Variants in CADM1 observed in about 807,000 individuals in gnomAD.
CADM1 encodes cell adhesion molecule 1.
A neutral mutation model predicts 53.1 loss-of-function variants in CADM1; 15 were observed. That is an observed-to-expected ratio of 0.28 (90% CI 0.19 to 0.44). The LOEUF (loss-of-function observed/expected upper bound fraction) is 0.44, where lower values mean the gene tolerates loss of function less well. Ranked by LOEUF, CADM1 falls within the 20% of genes least tolerant of loss-of-function variation. The probability of loss-of-function intolerance (pLI) is 1.00; values close to 1 mark genes in which losing one functional copy is unlikely to be tolerated. For missense variants in CADM1, 434 were observed against 611.3 expected (o/e 0.71, Z 3.06); for synonymous variants, 281 against 243.0 (o/e 1.16, Z -1.45).
At chr11:115,451,137 T>A (rs189002497) in intron 1 of CADM1, among the ~76,000 whole-genome samples, 1 of 152,330 alleles carries the variant, frequency 6.6e-6, no homozygotes, top group East Asian at 1.9e-4. Context: ...CTAGAGCAAT[T>A]TCCTTCTCCC....
Position 115,397,588 on chromosome 11 carries a change from C to T in CADM1, c.124+106683G>A, listed in dbSNP as rs1947033161. ...TGATATGTAACCCAAGGCAGGTCTT[C>T]TTTCTTTGAGTTTCAGTCTCATCAT... On this transcript the variant is annotated intron_variant, in intron 1 of 11. Transcript: ENST00000331581. 5 of 152,302 alleles carry T rather than the reference C, an allele frequency of 3.3e-5. No individual in the cohort carries two copies. The South Asian group carries it at 1.0e-3, about 32-fold the overall frequency. 9.4% of individuals were successfully genotyped at this position (152,302 alleles called of 1,614,324 possible).
intron 1 of CADM1, among the ~76,000 whole-genome samples, chr11:115,320,074 A>G (rs1944781163): frequency 6.6e-6 from 1 of 151,954 alleles, no homozygotes; most frequent in African/African-American, 2.4e-5. Context: ...TCATTCATGT[A>G]TTTTTTAGAG....
intron 1 of CADM1, among the ~76,000 whole-genome samples, chr11:115,457,537 G>GA (rs1051208468): frequency 2.6e-5 from 4 of 152,122 alleles, no homozygotes; most frequent in Non-Finnish European, 4.4e-5. Flanking sequence ...GGGTAGGAGA[G>GA]AAAACCCAGA....
chr11:115,388,450 A>G (rs1369199197), intron 1 of CADM1, among the ~76,000 whole-genome samples: 1 of 152,160 alleles, frequency 6.6e-6, no homozygotes, highest in Non-Finnish European at 1.5e-5. Flanking sequence ...ATGCTCTTAA[A>G]GTGCCTTCCC....
chr11:115,242,753 T>G (rs954624798), intron 1 of CADM1, among the ~76,000 whole-genome samples: 3 of 152,190 alleles, frequency 2.0e-5, no homozygotes, highest in Admixed American at 2.0e-4. Flanking sequence ...AAGGTACATG[T>G]GGAAAGGCCT....
At chr11:115,497,759 C>A (rs1184771452) in intron 1 of CADM1, among the ~76,000 whole-genome samples, 5 of 152,148 alleles carry the variant, frequency 3.3e-5, no homozygotes, top group South Asian at 2.1e-4. Flanking sequence ...TGGTGCTCCC[C>A]AAATCGTGAA....
At position 115,499,701 on chromosome 11, in the gene CADM1, A is replaced by G. The variant is rs537136391; in HGVS notation, c.124+4570T>C. On this transcript the variant is annotated intron_variant, in intron 1 of 11. Coordinates refer to ENST00000331581, the MANE Select transcript of CADM1 (RefSeq NM_001301043.2). ...AGCCTTAGTTCAACTGCAGAGTAAG[A>G]TTCTTCCCTCCCTGGCCTTCGGCTA... 2.6e-4 allele frequency among the ~76,000 whole-genome samples: 40 copies of G among 152,346 alleles called. No individual in the cohort carries two copies. In the South Asian group the frequency reaches 7.7e-3, roughly 29 times the overall value.
At chr11:115,210,360 G>T (rs1356649278) in intron 7 of CADM1, among the ~76,000 whole-genome samples, 1 of 152,140 alleles carries the variant, frequency 6.6e-6, no homozygotes, top group African/African-American at 2.4e-5. Context: ...AAAACTGAAA[G>T]AACGTTTTCC....
At chr11:115,475,512 CA>C (rs1405400863) in intron 1 of CADM1, among the ~76,000 whole-genome samples, 2 of 152,182 alleles carry the variant, frequency 1.3e-5, no homozygotes, top group East Asian at 3.9e-4. Flanking sequence ...AAACTGTCAA[CA>C]GCCTAAATGT....
intron 1 of CADM1, among the ~76,000 whole-genome samples, chr11:115,359,974 T>C (rs1404542440): frequency 6.6e-6 from 1 of 152,200 alleles, no homozygotes; most frequent in Non-Finnish European, 1.5e-5. Flanking sequence ...GTTGAGAGCC[T>C]TGAATAAAAA....
intron 1 of CADM1, among the ~76,000 whole-genome samples, chr11:115,280,128 A>G (rs116898697): frequency 6.6e-6 from 1 of 152,322 alleles, no homozygotes; most frequent in Non-Finnish European, 1.5e-5. Context: ...TCTACAGACT[A>G]TCTTATTTCT....
intron 1 of CADM1, among the ~76,000 whole-genome samples, chr11:115,307,643 T>A (rs1246820194): frequency 1.3e-5 from 2 of 151,836 alleles, no homozygotes; most frequent in Non-Finnish European, 2.9e-5. Context: ...GTTCTTCTTG[T>A]CCTGCTGTTG....
intron 5 of CADM1, among the ~76,000 whole-genome samples, chr11:115,222,285 A>G (rs1941435807): frequency 6.6e-6 from 1 of 152,144 alleles, no homozygotes; most frequent in African/African-American, 2.4e-5. Context: ...ACGACAATGC[A>G]AAGATTAACC....
rs1938989381 is a variant in CADM1, at chr11:115,175,549, T to C, written c.*925A>G. The C allele has an allele frequency of 1.5e-5, 15 of 985,364 alleles. No individual in the cohort carries two copies. Among genetic ancestry groups the C allele is most frequent in the Non-Finnish European group, 1.8e-5 (15 of 829,986 alleles). The allele number at this position is 985,364 out of a possible 1,614,324, so 61.0% of individuals were successfully genotyped here. ...TCCCCCCTCCCTACTTCCCCTCCTG[T>C]GGCAACTCAAAATTTGTCCACTTAT... On this transcript the variant is annotated 3_prime_UTR_variant, in exon 12 of 12. Coordinates refer to ENST00000331581, the MANE Select transcript of CADM1 (RefSeq NM_001301043.2).
chr11:115,267,162 CAAG>C (rs1943164708), intron 1 of CADM1, among the ~76,000 whole-genome samples: 1 of 152,204 alleles, frequency 6.6e-6, no homozygotes, highest in African/African-American at 2.4e-5. Flanking sequence ...TGTACCCAAA[CAAG>C]AAAGTTCAAA....
intron 1 of CADM1, among the ~76,000 whole-genome samples, chr11:115,372,775 A>G (rs1356345925): frequency 6.6e-6 from 1 of 152,228 alleles, no homozygotes; most frequent in Non-Finnish European, 1.5e-5. Flanking sequence ...TGATAAAATG[A>G]CCAGCCAGAG....
rs1938894765 is a variant in CADM1 at position 115,173,938 on chromosome 11, A to C, written c.*2536T>G. On this transcript the variant is annotated 3_prime_UTR_variant, in exon 12 of 12. Coordinates refer to ENST00000331581, the MANE Select transcript of CADM1 (RefSeq NM_001301043.2). Reference sequence around the variant, plus strand: ...GTTTGTTCTTTCTTCACTCTAAAAAAAGTGATCAACCTGTACAAAGTAATA... The same window carrying C: ...GTTTGTTCTTTCTTCACTCTAAAAACAGTGATCAACCTGTACAAAGTAATA... The C allele has an allele frequency of 4.1e-6, 4 of 968,372 alleles. No homozygotes were observed. The highest frequency in any genetic ancestry group is 4.9e-6 in the Non-Finnish European group (4 of 814,428). 60.0% of individuals were successfully genotyped at this position (968,372 alleles called of 1,614,324 possible). A position where few individuals can be genotyped will look rare whatever the true frequency, so the allele number is the denominator to read the frequency against.
At chr11:115,502,270 C>A (rs1170042183) in intron 1 of CADM1, among the ~76,000 whole-genome samples, 1 of 150,980 alleles carries the variant, frequency 6.6e-6, no homozygotes, top group East Asian at 2.0e-4. Context: ...CATTGCACGA[C>A]TCCCATTTTT....
At chr11:115,253,179 G>T (rs1338152380) in intron 1 of CADM1, among the ~76,000 whole-genome samples, 2 of 152,222 alleles carry the variant, frequency 1.3e-5, no homozygotes, top group Non-Finnish European at 2.9e-5. Context: ...GTCCTGGGCT[G>T]TATATGGTCT....
Sources: gnomAD v4.1 joint callset for allele counts (sites outside exome capture counted in the v4.1 genomes callset) on GRCh38, gnomAD v4.1.1 for gene constraint, MANE v1.5 for transcripts, NCBI Gene and HGNC (gene_info 2026-07-23, HGNC 2026-07-21) for gene names.